TAS1R2: variants seen among roughly 807,000 people sequenced by gnomAD.
TAS1R2 encodes the protein taste 1 receptor member 2.
A neutral mutation model predicts 49.3 loss-of-function variants in TAS1R2; 47 were observed. The observed-to-expected ratio is 0.95, with a 90% CI of 0.75 to 1.22. TAS1R2 has a LOEUF of 1.22. Ranked by LOEUF, TAS1R2 falls within the 50% of genes most tolerant of loss-of-function variation. The probability of loss-of-function intolerance (pLI) is 0.00; values close to 1 mark genes in which losing one functional copy is unlikely to be tolerated. For synonymous variants in TAS1R2, 479 were observed against 467.9 expected (o/e 1.02, Z -0.31); for missense variants, 1,155 against 1,122.1 (o/e 1.03, Z -0.42).
At chr1:18,846,326 C>T (rs1256102236) in intron 4 of TAS1R2, among the ~76,000 whole-genome samples, 3 of 152,250 alleles carry the variant, frequency 2.0e-5, no homozygotes, top group Admixed American at 2.0e-4. Context: ...GCTAAGGTGG[C>T]TCTTCGGGAG....
At position 18,849,324 on chromosome 1, in the gene TAS1R2, C is replaced by G. The variant is rs563750279; in HGVS notation, c.1467+17G>C. 1 of 1,613,092 alleles carries G rather than the reference C, an allele frequency of 6.2e-7. No homozygotes were observed. The highest frequency in any genetic ancestry group is 1.1e-5 in the South Asian group (1 of 91,050). The stretch of plus-strand genomic sequence containing the variant: ...CCCCGCCCCAGGCCTGCCCACCCAC[C>G]AGGCCCCCTGGCTGACCGTGTTGTT... On this transcript the variant is annotated intron_variant, in intron 4 of 5. Transcript: ENST00000375371.
rs777917919 is a variant in TAS1R2 at position 18,854,708 on chromosome 1, G to A, written c.762C>T (p.Arg254=). 1 of 1,613,462 alleles carries A rather than the reference G, an allele frequency of 6.2e-7. No individual in the cohort carries two copies. The highest frequency in any genetic ancestry group is 8.5e-7 in the Non-Finnish European group (1 of 1,179,924). The change falls in exon 3 of 6, where the codon CGC becomes CGT. Residue 254 remains arginine (R), a synonymous_variant. Coordinates refer to ENST00000375371, the Ensembl canonical transcript of TAS1R2. This position sits in a 1 kb window ranked among gnomAD's most constrained non-coding sequence, Gnocchi z 4.9. ...TGTCCACAATGGTCACCAGGCGCTG[G>A]CGCTCCTCTGACGTCATGTTCTGGT...
intron 4 of TAS1R2, among the ~76,000 whole-genome samples, chr1:18,847,969 T>G (rs1216569855): frequency 6.6e-6 from 1 of 152,172 alleles, no homozygotes; most frequent in East Asian, 1.9e-4. Flanking sequence ...TTTTAAAACC[T>G]TCAGATCTTG....
intron 2 of TAS1R2, among the ~76,000 whole-genome samples, chr1:18,855,503 T>A (rs934071168): frequency 5.9e-5 from 9 of 152,130 alleles, no homozygotes; most frequent in African/African-American, 2.2e-4. Context: ...CCTTCTCTTC[T>A]CTATGACCTC....
At chr1:18,850,783 G>T (rs148601496) in intron 3 of TAS1R2, among the ~76,000 whole-genome samples, 1 of 152,330 alleles carries the variant, frequency 6.6e-6, no homozygotes, top group Non-Finnish European at 1.5e-5. Flanking sequence ...TCATCAGGTT[G>T]AACCCCGTTT....
intron 2 of TAS1R2, among the ~76,000 whole-genome samples, chr1:18,855,836 G>A (rs925563689): frequency 6.6e-6 from 1 of 152,098 alleles, no homozygotes; most frequent in Non-Finnish European, 1.5e-5. Context: ...AGTCGTCCTT[G>A]ACTCTTCTTT....
At chr1:18,857,717 G>A in intron 1 of TAS1R2, 86 bp from the exon 2 acceptor site, 1 of 1,462,746 alleles carries the variant, frequency 6.8e-7, no homozygotes, top group South Asian at 1.3e-5. Context: ...CCTCCTTCCT[G>A]CCACAGGAAA....
chr1:18,841,914 C>A, intron 4 of TAS1R2, 62 bp from the exon 5 acceptor site: 1 of 1,501,878 alleles, frequency 6.7e-7, no homozygotes, highest in Non-Finnish European at 9.0e-7. Flanking sequence ...GGCCCCCTCC[C>A]CTCTCCAACC....
exon 2 of TAS1R2, chr1:18,857,624 C>A: frequency 6.2e-7 from 1 of 1,611,828 alleles, no homozygotes. Context: ...ATCACCTTCA[C>A]TTCATACCTG....
At position 18,857,617 on chromosome 1, in the gene TAS1R2, AC is replaced by A. The variant is rs776397237; in HGVS notation, c.196del (p.Val66Ter). 2 of 1,612,980 alleles carry A rather than the reference AC, an allele frequency of 1.2e-6. No homozygotes were observed. The highest frequency in any genetic ancestry group is 3.3e-5 in the Admixed American group (2 of 59,988). Reference sequence around the variant, plus strand: ...GGCCTGCATGAGGTTGTAGCCTATCACCTTCACTTCATACCTGGAGGGGCCA... The same window carrying A: ...GGCCTGCATGAGGTTGTAGCCTATCACTTCACTTCATACCTGGAGGGGCCA... On this transcript the variant is annotated frameshift_variant, in exon 2 of 6. Coordinates refer to ENST00000375371, the Ensembl canonical transcript of TAS1R2. LOFTEE classifies it high-confidence loss of function.
Position 18,854,576 on chromosome 1 carries a change from CCA to C in TAS1R2, c.892_893del (p.Trp298AspfsTer39). On this transcript the variant is annotated frameshift_variant, in exon 3 of 6. Transcript: ENST00000375371. LOFTEE classifies it high-confidence loss of function. The surrounding 1 kb of genome is among the most constrained non-coding windows in gnomAD (Gnocchi z 4.9). The stretch of plus-strand genomic sequence containing the variant: ...CGATGGCCCAGGACTCGGAGGCGAT[CCA>C]CACGGCGCCAGTGAAGTTCTGGCGC... The C allele has an allele frequency of 6.2e-7, 1 of 1,613,936 alleles. No homozygotes were observed. The highest frequency in any genetic ancestry group is 8.5e-7 in the Non-Finnish European group (1 of 1,179,896).
At position 18,841,768 on chromosome 1, in the gene TAS1R2, T is replaced by C. The variant is rs745544991; in HGVS notation, c.1552A>G (p.Ile518Val). 1.2e-5 allele frequency: 19 copies of C among 1,613,864 alleles called. No homozygotes were observed. Among genetic ancestry groups the C allele is most frequent in the Admixed American group, 8.3e-5 (5 of 60,002 alleles). ...AGGAAGGTGCCGGGAAGGCAGTCGA[T>C]GCACTCGAAGCAGCAGACGTGGATG... The change falls in exon 5 of 6, where the codon ATC becomes GTC. Residue 518 changes from isoleucine (I) to valine (V), a missense_variant. Coordinates refer to ENST00000375371, the Ensembl canonical transcript of TAS1R2.
exon 6 of TAS1R2, chr1:18,840,082 G>A (rs754222413): frequency 1.1e-5 from 17 of 1,614,126 alleles, no homozygotes; most frequent in African/African-American, 6.7e-5. Context: ...CCATAGAGAC[G>A]TAGGGCCCCT....
chr1:18,851,420 C>T (rs1226292628), intron 3 of TAS1R2, among the ~76,000 whole-genome samples: 1 of 152,116 alleles, frequency 6.6e-6, no homozygotes, highest in Non-Finnish European at 1.5e-5. Context: ...ACATCCGTCT[C>T]CTGGGTTCAA....
intron 2 of TAS1R2, 60 bp downstream of exon 2, chr1:18,857,271 C>G (rs1934151808): frequency 3.2e-6 from 5 of 1,555,202 alleles, no homozygotes; most frequent in Non-Finnish European, 3.5e-6. Context: ...TCTGAGGCCT[C>G]TAGACAGCCA....
At chr1:18,850,568 G>C (rs986136185) in intron 3 of TAS1R2, among the ~76,000 whole-genome samples, 1 of 152,274 alleles carries the variant, frequency 6.6e-6, no homozygotes, top group Non-Finnish European at 1.5e-5. Context: ...ATGAGGATCA[G>C]GATGGCGGAG....
intron 4 of TAS1R2, among the ~76,000 whole-genome samples, chr1:18,848,756 T>A (rs1003553006): frequency 1.1e-4 from 16 of 152,204 alleles, no homozygotes; most frequent in Admixed American, 2.0e-4. Context: ...ACACTCCTTA[T>A]GAGAATCTAA....
At chr1:18,853,980 C>A (rs1271179237) in intron 3 of TAS1R2, among the ~76,000 whole-genome samples, 2 of 152,196 alleles carry the variant, frequency 1.3e-5, no homozygotes, top group African/African-American at 4.8e-5. Context: ...GTTCCCACTG[C>A]CTGTGGGATT....
At chr1:18,849,719 G>A (rs1057465507) in intron 3 of TAS1R2, among the ~76,000 whole-genome samples, 169 bp from the exon 4 acceptor site, 1 of 152,204 alleles carries the variant, frequency 6.6e-6, no homozygotes, top group African/African-American at 2.4e-5. Context: ...GTGGCTGAGA[G>A]CTCTGCTTTG....
Sources: gnomAD v4.1 joint callset for allele counts (sites outside exome capture counted in the v4.1 genomes callset) on GRCh38, gnomAD v4.1.1 for gene constraint, Gnocchi (gnomAD v3.1) non-coding constraint, MANE v1.5 for transcripts, NCBI Gene and HGNC (gene_info 2026-07-23, HGNC 2026-07-21) for gene names.